The following KIRREL3 variants were observed in gnomAD, a reference collection of about 807,000 sequenced individuals.
KIRREL3 encodes kin of IRRE-like protein 3.
A neutral mutation model predicts 89.7 loss-of-function variants in KIRREL3; 36 were observed. The ratio of observed to expected loss-of-function variants is 0.40; its 90% confidence interval spans 0.31 to 0.53. The LOEUF is 0.53. KIRREL3 is among the 20% of genes least tolerant of loss of function. The probability of loss-of-function intolerance (pLI) is 0.49; values close to 1 mark genes in which losing one functional copy is unlikely to be tolerated. For missense variants in KIRREL3, 864 were observed against 1,056.6 expected (o/e 0.82, Z 2.53); for synonymous variants, 445 against 441.4 (o/e 1.01, Z -0.10).
chr11:126,680,415 T>TATATATACACACAC (rs551073557), intron 1 of KIRREL3, among the ~76,000 whole-genome samples: 2,360 of 151,536 alleles, frequency 0.016, 79 homozygotes, highest in African/African-American at 0.054. Flanking sequence ...TATATATATA[T>TATATATACACACAC]ACACATAGCC....
chr11:126,893,769 T>C (rs1180038471), intron 1 of KIRREL3, among the ~76,000 whole-genome samples: 2 of 152,218 alleles, frequency 1.3e-5, no homozygotes, highest in African/African-American at 4.8e-5. Flanking sequence ...TATTAAACGA[T>C]GCGTGTTATA....
At chr11:126,559,875 G>T (rs907491955) in intron 2 of KIRREL3, among the ~76,000 whole-genome samples, 2 of 151,988 alleles carry the variant, frequency 1.3e-5, no homozygotes, top group African/African-American at 4.8e-5. Context: ...TAGAGACAGG[G>T]TTTCACCATG....
intron 1 of KIRREL3, among the ~76,000 whole-genome samples, chr11:126,921,391 GTATCTATCTATCTATCTATCTATC>G (rs35917135): frequency 9.4e-4 from 136 of 144,140 alleles, no homozygotes; most frequent in African/African-American, 3.1e-3. Context: ...ATCCTGTCTT[GTATCTATCTATCTATCTATCTATC>G]TATCTATCTA....
chr11:126,935,186 A>G (rs984961883), intron 1 of KIRREL3: 1 of 152,212 alleles, frequency 6.6e-6, no homozygotes, highest in Non-Finnish European at 1.5e-5. Flanking sequence ...TACTTATTAT[A>G]ATGACCAAAA....
chr11:126,446,282 TCTC>T (rs1269325512), intron 9 of KIRREL3, among the ~76,000 whole-genome samples: 5 of 92,958 alleles, frequency 5.4e-5, no homozygotes, highest in Admixed American at 1.1e-4. Context: ...TTCTTTTCTT[TCTC>T]CTTTCTTTCT....
Position 126,991,708 on chromosome 11 carries a change from C to T in KIRREL3, c.55+8747G>A, listed in dbSNP as rs188716890. ...TTGTTCGAAGGTCAGACCTGGGATT[C>T]GGATGCATGATTTTCATAGGAAACT... is the stretch of plus-strand genomic sequence containing the variant. On this transcript the variant is annotated intron_variant, in intron 1 of 16. Transcript: ENST00000525144. The surrounding 1 kb of genome is among the most constrained non-coding windows in gnomAD (Gnocchi z 5.8). 1.2e-4 allele frequency among the ~76,000 whole-genome samples: 19 copies of T among 152,170 alleles called. 1 individual carries two copies. Among genetic ancestry groups the T allele is most frequent in the South Asian group, 4.1e-4 (2 of 4,828 alleles).
Position 126,614,052 on chromosome 11 carries a change from GA to G in KIRREL3, c.56-51141del, listed in dbSNP as rs141453308. Among the ~76,000 whole-genome samples, 1,866 of 152,148 alleles carry G rather than the reference GA, an allele frequency of 0.012. 31 individuals are homozygous for G. The highest frequency in any genetic ancestry group is 0.042 in the African/African-American group (1,743 of 41,494). ...TCTTTTCTGTGTAATTCTTTTGGCT[GA>G]AAACTGAATAGAGTTCTCCCTTTGT... On this transcript the variant is annotated intron_variant, in intron 1 of 16. Coordinates refer to ENST00000525144, the MANE Select transcript of KIRREL3 (RefSeq NM_032531.4). The surrounding 1 kb of genome is among the most constrained non-coding windows in gnomAD (Gnocchi z 4.6).
chr11:126,526,685 G>T lies in KIRREL3; in HGVS notation c.136C>A (p.Gln46Lys). Reference protein sequence around the residue: ...KDKFRRMNEGQVYSFSQQPQD... With the variant: ...KDKFRRMNEGKVYSFSQQPQD... ...GGCTGCTGGCTGAAGGAATAGACTT[G>T]GCCTGGGAAGGAGACAAACACAATG... Residue 46 changes from glutamine to lysine, a missense_variant and splice_region_variant, in exon 3 of 17, where the codon CAA (glutamine) becomes AAA (lysine). By Grantham distance (53) the Gln-to-Lys change is moderately conservative. Transcript: ENST00000525144. The surrounding 1 kb of genome is among the most constrained non-coding windows in gnomAD (Gnocchi z 5.7). 2 of 1,559,600 alleles carry T rather than the reference G, an allele frequency of 1.3e-6. No individual in the cohort carries two copies. Among genetic ancestry groups the T allele is most frequent in the Non-Finnish European group, 1.7e-6 (2 of 1,151,496 alleles).
intron 1 of KIRREL3, among the ~76,000 whole-genome samples, chr11:126,848,288 C>T (rs192967652): frequency 6.6e-6 from 1 of 152,210 alleles, no homozygotes; most frequent in African/African-American, 2.4e-5. Flanking sequence ...GCACTTTATA[C>T]AAATAATCAG....
At position 126,953,338 on chromosome 11, in the gene KIRREL3, G is replaced by T. The variant is rs563891898; in HGVS notation, c.55+47117C>A. On this transcript the variant is annotated intron_variant, in intron 1 of 16. Coordinates refer to ENST00000525144, the MANE Select transcript of KIRREL3 (RefSeq NM_032531.4). The surrounding 1 kb of genome is among the most constrained non-coding windows in gnomAD (Gnocchi z 5.2). ...CATACACCGGGGCTTGTTGTGGGGT[G>T]GGGGGCTAGGGGAGAGATAGCATTA... Among the ~76,000 whole-genome samples, 6 of 152,132 alleles carry T rather than the reference G, an allele frequency of 3.9e-5. No homozygotes were observed. In the East Asian group the frequency reaches 5.8e-4, roughly 15 times the overall value.
In KIRREL3 at chr11:126,527,007, C is replaced by G. The variant is rs1458439091; in HGVS notation, c.134-320G>C. On this transcript the variant is annotated intron_variant, in intron 2 of 16. Transcript: ENST00000525144. The surrounding 1 kb of genome is among the most constrained non-coding windows in gnomAD (Gnocchi z 4.2). ...GTGCCACTTCCCATGCATTGGTGAG[C>G]TCCTACTTAATGCCATGTGCTGGGC... Among the ~76,000 whole-genome samples the G allele has an allele frequency of 1.3e-5, 2 of 152,234 alleles. No individual in the cohort carries two copies. The highest frequency in any genetic ancestry group is 4.8e-5 in the African/African-American group (2 of 41,464).
chr11:126,760,477 C>G (rs1565709247), intron 1 of KIRREL3, among the ~76,000 whole-genome samples: 1 of 152,346 alleles, frequency 6.6e-6, no homozygotes, highest in East Asian at 1.9e-4. Context: ...CATGGTCAAT[C>G]TTGAGCTTAT....
rs1950175156 is a variant in KIRREL3, at chr11:126,776,567, G to T, written c.56-213655C>A. 6.6e-6 allele frequency among the ~76,000 whole-genome samples: 1 copy of T among 152,206 alleles called. No homozygotes were observed. Among genetic ancestry groups the T allele is most frequent in the South Asian group, 2.1e-4 (1 of 4,824 alleles). ...GGGTTAATGCAGGTCCCTTAAGAGA[G>T]ATTGAGTCCTTCTCTAGCAATAAGA... On this transcript the variant is annotated intron_variant, in intron 1 of 16. Transcript: ENST00000525144. The surrounding 1 kb of genome is among the most constrained non-coding windows in gnomAD (Gnocchi z 4.7).
At chr11:126,499,557 T>C (rs983820654) in intron 4 of KIRREL3, among the ~76,000 whole-genome samples, 4 of 152,352 alleles carry the variant, frequency 2.6e-5, no homozygotes, top group African/African-American at 4.8e-5. Context: ...CCCTTTCCAC[T>C]GAGCCCCAAC....
Position 126,694,126 on chromosome 11 carries a change from C to G in KIRREL3, c.56-131214G>C, listed in dbSNP as rs2135142407. On this transcript the variant is annotated intron_variant, in intron 1 of 16. Transcript: ENST00000525144. The surrounding 1 kb of genome is among the most constrained non-coding windows in gnomAD (Gnocchi z 4.4). ...GGAGATGGGAGCATGGGCTCCATCC[C>G]TAAGGGAGCCACATTCGTTTTTTTT... Among the ~76,000 whole-genome samples the G allele has an allele frequency of 6.6e-6, 1 of 152,346 alleles. No individual in the cohort carries two copies. Among genetic ancestry groups the G allele is most frequent in the South Asian group, 2.1e-4 (1 of 4,816 alleles).
At chr11:126,958,428 T>G (rs1287947091) in intron 1 of KIRREL3, among the ~76,000 whole-genome samples, 1 of 152,216 alleles carries the variant, frequency 6.6e-6, no homozygotes, top group Non-Finnish European at 1.5e-5. Flanking sequence ...CCACATTGTG[T>G]GATGAGGTCT....
rs1946256902 is a variant in KIRREL3 at position 126,677,657 on chromosome 11, G to T, written c.56-114745C>A. Among the ~76,000 whole-genome samples the T allele has an allele frequency of 6.6e-6, 1 of 152,128 alleles. No individual in the cohort carries two copies. The highest frequency in any genetic ancestry group is 1.9e-4 in the East Asian group (1 of 5,182). On this transcript the variant is annotated intron_variant, in intron 1 of 16. Coordinates refer to ENST00000525144, the MANE Select transcript of KIRREL3 (RefSeq NM_032531.4). The surrounding 1 kb of genome is among the most constrained non-coding windows in gnomAD (Gnocchi z 5.1). ...GGTGCTGAAGCAGGGCTGGGATGGG[G>T]GTGTGAAGACAGAAAATCCACCAGC...
In KIRREL3 at chr11:126,521,690, G is replaced by A. The variant is rs148664935; in HGVS notation, c.284-226C>T. ...TCTCTCTCTGTATGTGTGTGTGTGT[G>A]TGTGTGTGTGTGTGTGTGTGTGTGT... On this transcript the variant is annotated intron_variant, in intron 3 of 16. Coordinates refer to ENST00000525144, the MANE Select transcript of KIRREL3 (RefSeq NM_032531.4). This position sits in a 1 kb window ranked among gnomAD's most constrained non-coding sequence, Gnocchi z 4.1. Among the ~76,000 whole-genome samples, 201 of 7,030 alleles carry A rather than the reference G, an allele frequency of 0.029. No homozygotes were observed. The highest frequency in any genetic ancestry group is 0.063 in the African/African-American group (185 of 2,958). The allele number at this position is 7,030 out of a possible 152,430, so 4.6% of individuals were successfully genotyped here.
rs1455444993 is a variant in KIRREL3, at chr11:126,782,220, G to A, written c.55+218235C>T. 6.6e-6 allele frequency among the ~76,000 whole-genome samples: 1 copy of A among 152,190 alleles called. No individual in the cohort carries two copies. Among genetic ancestry groups the A allele is most frequent in the African/African-American group, 2.4e-5 (1 of 41,438 alleles). ...CCCGTCCCTACTCTAGAGGCCACGA[G>A]TTCAAAATGATAAAGCTAAAAGTTG... On this transcript the variant is annotated intron_variant, in intron 1 of 16. Transcript: ENST00000525144. This position sits in a 1 kb window ranked among gnomAD's most constrained non-coding sequence, Gnocchi z 4.1.
Sources: allele counts gnomAD v4.1 joint callset (sites outside exome capture counted in the v4.1 genomes callset), GRCh38; gene constraint gnomAD v4.1.1; non-coding constraint Gnocchi (gnomAD v3.1); transcripts MANE v1.5; gene names NCBI Gene and HGNC (gene_info 2026-07-23, HGNC 2026-07-21).